The following SPATA6 variants were observed in gnomAD, a reference collection of about 807,000 sequenced individuals.
SPATA6 encodes spermatogenesis associated 6, also known as spermatogenesis-associated protein 6.
Under a neutral mutation model 65.3 loss-of-function variants are expected in SPATA6, and 56 were observed. The ratio of observed to expected loss-of-function variants is 0.86; its 90% confidence interval spans 0.69 to 1.07. The LOEUF (loss-of-function observed/expected upper bound fraction) is 1.07, where lower values mean the gene tolerates loss of function less well. SPATA6 is among the 50% of genes least tolerant of loss of function. SPATA6 has a pLI of 0.00. For synonymous variants in SPATA6, 199 were observed against 213.2 expected (o/e 0.93, Z 0.58); for missense variants, 590 against 594.8 (o/e 0.99, Z 0.08).
the SPATA6 span, among the ~76,000 whole-genome samples, chr1:48,272,275 C>T: frequency 6.2e-4 from 95 of 152,248 alleles, no homozygotes; most frequent in Non-Finnish European, 1.1e-3. Context: ...CCATGTTGTA[C>T]ATTAGATGTC....
At chr1:48,368,919 G>A (rs1295370988) in intron 9 of SPATA6, among the ~76,000 whole-genome samples, 2 of 152,108 alleles carry the variant, frequency 1.3e-5, no homozygotes, top group Non-Finnish European at 2.9e-5. Flanking sequence ...CCCCATCTTT[G>A]TGGTTTTATC....
At chr1:48,315,405 T>C (rs535957449) in intron 11 of SPATA6, among the ~76,000 whole-genome samples, 1 of 152,006 alleles carries the variant, frequency 6.6e-6, no homozygotes, top group South Asian at 2.1e-4. Context: ...TCAATAAACA[T>C]AATCCAACAT....
At chr1:48,348,864 C>T (rs1277589428) in intron 11 of SPATA6, among the ~76,000 whole-genome samples, 1 of 151,982 alleles carries the variant, frequency 6.6e-6, no homozygotes, top group Non-Finnish European at 1.5e-5. Context: ...CTTCATCCTC[C>T]TGGCTTCTTT....
chr1:48,325,250 G>C (rs1645721885), intron 11 of SPATA6: 1 of 808,602 alleles, frequency 1.2e-6, no homozygotes, highest in African/African-American at 1.7e-5. Context: ...GGCAAGGTTT[G>C]GATATGGCAT....
chr1:48,322,052 A>G (rs571696229), intron 11 of SPATA6, among the ~76,000 whole-genome samples: 1 of 152,282 alleles, frequency 6.6e-6, no homozygotes, highest in East Asian at 1.9e-4. Flanking sequence ...GCCTACATTT[A>G]AAAAGACGAC....
chr1:48,278,286 C>A, the SPATA6 span, among the ~76,000 whole-genome samples: 2 of 152,200 alleles, frequency 1.3e-5, no homozygotes, highest in Admixed American at 6.5e-5. Context: ...CTCTCCTCCT[C>A]CAAAGAACAC....
chr1:48,452,921 T>G, intron 2 of SPATA6, 73 bp downstream of exon 2: 1 of 1,524,784 alleles, frequency 6.6e-7, no homozygotes, highest in Non-Finnish European at 8.8e-7. Context: ...ATTTGTGTTA[T>G]AGGCTTTTAT....
intron 6 of SPATA6, chr1:48,400,977 G>A: frequency 3.1e-6 from 1 of 318,030 alleles, no homozygotes; most frequent in Non-Finnish European, 5.2e-6. Flanking sequence ...AAACATTCAA[G>A]CAATGAATCT....
intron 7 of SPATA6, 49 bp from the exon 8 acceptor site, chr1:48,395,403 A>G: frequency 7.4e-7 from 1 of 1,345,788 alleles, no homozygotes; most frequent in South Asian, 1.7e-5. Context: ...ACATTCCTAG[A>G]CTTTCAATCT....
intron 9 of SPATA6, among the ~76,000 whole-genome samples, chr1:48,379,431 G>A (rs932165392): frequency 1.3e-5 from 2 of 152,172 alleles, no homozygotes; most frequent in African/African-American, 4.8e-5. Context: ...CAAACTCATA[G>A]AAGCAGAAAA....
chr1:48,404,903 C>T (rs779572155), intron 5 of SPATA6, among the ~76,000 whole-genome samples: 1 of 152,174 alleles, frequency 6.6e-6, no homozygotes, highest in Non-Finnish European at 1.5e-5. Flanking sequence ...TGGAAGCACA[C>T]AATTACGCAT....
At chr1:48,448,855 A>C (rs1214250335) in intron 3 of SPATA6, among the ~76,000 whole-genome samples, 2 of 152,234 alleles carry the variant, frequency 1.3e-5, no homozygotes, top group African/African-American at 4.8e-5. Context: ...GACAGAAAAT[A>C]CATTGGTTTC....
chr1:48,319,860 G>A (rs1645550143), intron 11 of SPATA6, among the ~76,000 whole-genome samples: 1 of 152,148 alleles, frequency 6.6e-6, no homozygotes, highest in African/African-American at 2.4e-5. Flanking sequence ...AAGGAGGAAG[G>A]CCGAGCACTT....
chr1:48,406,170 T>C (rs1290277717), intron 5 of SPATA6, among the ~76,000 whole-genome samples: 3 of 152,080 alleles, frequency 2.0e-5, no homozygotes, highest in African/African-American at 7.2e-5. Context: ...AAGGCTGCAG[T>C]AAGCCATGAT....
chr1:48,353,251 C>G (rs149500997), intron 11 of SPATA6, among the ~76,000 whole-genome samples: 159 of 151,630 alleles, frequency 1.0e-3, no homozygotes, highest in African/African-American at 3.7e-3. Flanking sequence ...TTTTCATGTT[C>G]CAATATTATT....
At chr1:48,423,569 T>C (rs949035089) in intron 3 of SPATA6, among the ~76,000 whole-genome samples, 10 of 146,122 alleles carry the variant, frequency 6.8e-5, no homozygotes, top group African/African-American at 2.3e-4. Context: ...TCTTTCTTTT[T>C]TTTTTTTTTT....
At chr1:48,285,599 G>A in the SPATA6 span, among the ~76,000 whole-genome samples, 2 of 152,100 alleles carry the variant, frequency 1.3e-5, no homozygotes, top group African/African-American at 4.8e-5. Flanking sequence ...TGTGGTATGT[G>A]AGTTGCGAAG....
intron 5 of SPATA6, among the ~76,000 whole-genome samples, chr1:48,410,203 T>C (rs891844095): frequency 6.6e-6 from 1 of 152,166 alleles, no homozygotes; most frequent in African/African-American, 2.4e-5. Context: ...TCTCTCAAGT[T>C]CAAAGTTCCA....
intron 11 of SPATA6, among the ~76,000 whole-genome samples, chr1:48,334,317 GAC>G (rs1435600048): frequency 6.6e-6 from 1 of 151,140 alleles, no homozygotes; most frequent in East Asian, 1.9e-4. Flanking sequence ...ACCTGGAAGA[GAC>G]ACAACAAAAA....
Sources: allele counts gnomAD v4.1 joint callset (sites outside exome capture counted in the v4.1 genomes callset), GRCh38; gene constraint gnomAD v4.1.1; transcripts MANE v1.5; gene names NCBI Gene and HGNC (gene_info 2026-07-23, HGNC 2026-07-21).